SLC39A11: variants seen among roughly 807,000 people sequenced by gnomAD.
SLC39A11 encodes solute carrier family 39 member 11.
Under a neutral mutation model 36.1 loss-of-function variants are expected in SLC39A11, and 33 were observed. That is an observed-to-expected ratio of 0.91 (90% CI 0.69 to 1.22). SLC39A11 has a LOEUF of 1.22. Among genes scored for constraint, SLC39A11 ranks in the 50% most tolerant of loss-of-function variants. The pLI, the probability that SLC39A11 is intolerant of heterozygous loss-of-function variation, is 0.00. For synonymous variants in SLC39A11, 166 were observed against 170.3 expected (o/e 0.97, Z 0.20); for missense variants, 432 against 430.3 (o/e 1.00, Z -0.03).
chr17:72,780,809 G>A (rs570451260), intron 6 of SLC39A11, among the ~76,000 whole-genome samples: 1 of 152,086 alleles, frequency 6.6e-6, no homozygotes, highest in Non-Finnish European at 1.5e-5. Context: ...CCAACATGGA[G>A]AAACCCCGTG....
chr17:72,756,710 TG>T (rs2075372575), intron 6 of SLC39A11, among the ~76,000 whole-genome samples: 1 of 152,196 alleles, frequency 6.6e-6, no homozygotes, highest in Non-Finnish European at 1.5e-5. Context: ...ATGGAGGTGA[TG>T]GTTGCACAAC....
rs1384069783 is a variant in SLC39A11 at position 72,754,041 on chromosome 17, TATATACACATACACACACAC to T, written c.602-17342_602-17323del. On this transcript the variant is annotated intron_variant, in intron 6 of 9. Transcript: ENST00000255559. ...ATATGTATATATATATATATATATA[TATATACACATACACACACAC>T]ACACACACACACACACACACACACA... 3.6e-3 allele frequency among the ~76,000 whole-genome samples: 197 copies of T among 54,542 alleles called. 1 individual carries two copies. The highest frequency in any genetic ancestry group is 6.5e-3 in the Non-Finnish European group (151 of 23,378). The allele number at this position is 54,542 out of a possible 152,430, so 35.8% of individuals were successfully genotyped here.
chr17:73,017,585 T>G (rs998901096), intron 4 of SLC39A11, among the ~76,000 whole-genome samples: 3 of 152,074 alleles, frequency 2.0e-5, no homozygotes, highest in African/African-American at 7.2e-5. Context: ...TGGTGGCACG[T>G]GCCTGTAATC....
rs1309287816 is a variant in SLC39A11 at position 72,945,679 on chromosome 17, G to A, written c.430+2073C>T. Among the ~76,000 whole-genome samples, 4 of 152,270 alleles carry A rather than the reference G, an allele frequency of 2.6e-5. No individual in the cohort carries two copies. In the East Asian group the frequency reaches 7.7e-4, roughly 29 times the overall value. ...TTGCTTGGTAACCCGGTAACAGGCT[G>A]TGCCTAGTGTTCTTGAGCAGGGGGA... On this transcript the variant is annotated intron_variant, in intron 5 of 9. Transcript: ENST00000255559.
At chr17:72,672,503 G>A (rs764174568) in intron 7 of SLC39A11, among the ~76,000 whole-genome samples, 10 of 152,146 alleles carry the variant, frequency 6.6e-5, no homozygotes, top group Non-Finnish European at 1.3e-4. Context: ...TCTCATTCTC[G>A]ACCAGCACCA....
intron 7 of SLC39A11, among the ~76,000 whole-genome samples, chr17:72,703,460 TC>T (rs1309358054): frequency 6.6e-6 from 1 of 152,170 alleles, no homozygotes; most frequent in Non-Finnish European, 1.5e-5. Context: ...ATGGGCATTT[TC>T]TTGCTGGGGT....
chr17:72,714,446 T>A (rs1050912549), intron 7 of SLC39A11, among the ~76,000 whole-genome samples: 1 of 152,148 alleles, frequency 6.6e-6, no homozygotes, highest in African/African-American at 2.4e-5. Context: ...TGCACCAGGC[T>A]AATACTGTTC....
intron 5 of SLC39A11, among the ~76,000 whole-genome samples, chr17:72,907,679 C>T (rs994775468): frequency 8.5e-5 from 13 of 152,316 alleles, no homozygotes; most frequent in African/African-American, 2.2e-4. Flanking sequence ...CTGCTCCTTA[C>T]TCCAGCCCAC....
chr17:72,802,402 C>T (rs2077116923), intron 6 of SLC39A11, among the ~76,000 whole-genome samples: 1 of 151,910 alleles, frequency 6.6e-6, no homozygotes, highest in Non-Finnish European at 1.5e-5. Flanking sequence ...CCAGCCTGAC[C>T]AGCGTGGTGA....
intron 5 of SLC39A11, among the ~76,000 whole-genome samples, chr17:72,899,215 C>A (rs1293600787): frequency 6.6e-6 from 1 of 151,924 alleles, no homozygotes; most frequent in Non-Finnish European, 1.5e-5. Flanking sequence ...CCAGCAGCAA[C>A]CCCCACCCCA....
At chr17:72,827,915 C>T (rs1287225190) in intron 6 of SLC39A11, among the ~76,000 whole-genome samples, 1 of 152,198 alleles carries the variant, frequency 6.6e-6, no homozygotes, top group African/African-American at 2.4e-5. Flanking sequence ...TGTAATAAAG[C>T]AAGAGGGAAA....
At chr17:73,072,019 C>A (rs905562452) in intron 3 of SLC39A11, among the ~76,000 whole-genome samples, 1 of 152,218 alleles carries the variant, frequency 6.6e-6, no homozygotes, top group Non-Finnish European at 1.5e-5. Flanking sequence ...AAAGGAATAT[C>A]TATTAAACAT....
intron 6 of SLC39A11, among the ~76,000 whole-genome samples, chr17:72,848,573 T>C (rs899006725): frequency 4.6e-5 from 7 of 151,780 alleles, no homozygotes; most frequent in East Asian, 1.9e-4. Flanking sequence ...TACAAAAAAT[T>C]AGCAAGGCAT....
intron 7 of SLC39A11, among the ~76,000 whole-genome samples, chr17:72,700,920 C>G (rs2072581167): frequency 2.0e-5 from 3 of 152,224 alleles, no homozygotes; most frequent in Admixed American, 2.0e-4. Flanking sequence ...CTGGGCCCCT[C>G]CCACAACATA....
At chr17:72,757,560 ACCTG>A (rs1400122535) in intron 6 of SLC39A11, among the ~76,000 whole-genome samples, 2 of 150,652 alleles carry the variant, frequency 1.3e-5, no homozygotes, top group Non-Finnish European at 3.0e-5. Flanking sequence ...GGGCAATGAA[ACCTG>A]CCTTATGCCA....
chr17:73,027,791 G>A (rs1358853973), intron 4 of SLC39A11, among the ~76,000 whole-genome samples: 2 of 152,232 alleles, frequency 1.3e-5, no homozygotes, highest in Non-Finnish European at 2.9e-5. Context: ...TGGGGCCTGT[G>A]CCTGAATGGT....
At chr17:73,057,487 A>G (rs927964638) in intron 3 of SLC39A11, among the ~76,000 whole-genome samples, 3 of 152,210 alleles carry the variant, frequency 2.0e-5, no homozygotes, top group African/African-American at 7.2e-5. Flanking sequence ...GTAACCTTCC[A>G]ATCTTAAAAA....
intron 5 of SLC39A11, among the ~76,000 whole-genome samples, chr17:72,919,564 C>CG (rs570661125): frequency 6.7e-6 from 1 of 148,160 alleles, no homozygotes; most frequent in African/African-American, 2.5e-5. Context: ...CCCAGCTACT[C>CG]GGGGGGCTGA....
chr17:72,799,278 TC>T (rs1223206899), intron 6 of SLC39A11, among the ~76,000 whole-genome samples: 3 of 152,236 alleles, frequency 2.0e-5, no homozygotes, highest in African/African-American at 7.2e-5. Context: ...AGGATGTATG[TC>T]ACCTCGGGAC....
Sources: gnomAD v4.1 joint callset for allele counts (sites outside exome capture counted in the v4.1 genomes callset) on GRCh38, gnomAD v4.1.1 for gene constraint, MANE v1.5 for transcripts, NCBI Gene and HGNC (gene_info 2026-07-23, HGNC 2026-07-21) for gene names.